CSMD1: variants seen among roughly 807,000 people sequenced by gnomAD.
CSMD1 encodes the protein CUB and sushi domain-containing protein 1.
CSMD1 carries 213 observed loss-of-function variants against 417.5 expected under a neutral mutation model. The observed-to-expected ratio is 0.51, with a 90% CI of 0.46 to 0.57. CSMD1 has a LOEUF of 0.57. CSMD1 is among the 20% of genes least tolerant of loss of function. The pLI, the probability that CSMD1 is intolerant of heterozygous loss-of-function variation, is 0.00. For synonymous variants in CSMD1, 2,862 were observed against 1,736.8 expected (o/e 1.65, Z -16.11); for missense variants, 6,923 against 4,529.7 (o/e 1.53, Z -15.17).
chr8:4,375,412 C>T (rs1251301263), intron 3 of CSMD1, among the ~76,000 whole-genome samples: 1 of 152,094 alleles, frequency 6.6e-6, no homozygotes, highest in Non-Finnish European at 1.5e-5. Flanking sequence ...GAATAATGAG[C>T]ACAAGCATCT....
chr8:3,933,406 G>T (rs186979491), intron 5 of CSMD1, among the ~76,000 whole-genome samples: 1 of 152,208 alleles, frequency 6.6e-6, no homozygotes, highest in East Asian at 1.9e-4. Flanking sequence ...AGTCTATCAG[G>T]ACTTGTATGT....
intron 16 of CSMD1, among the ~76,000 whole-genome samples, chr8:3,397,417 T>C (rs1426465211): frequency 2.0e-5 from 3 of 152,192 alleles, no homozygotes; most frequent in African/African-American, 4.8e-5. Flanking sequence ...AGATCATGGA[T>C]ACACTGATTA....
chr8:3,883,873 G>A (rs78054077), intron 5 of CSMD1, among the ~76,000 whole-genome samples: 4,126 of 151,772 alleles, frequency 0.027, 190 homozygotes, highest in African/African-American at 0.093. Flanking sequence ...AAAACAATAC[G>A]GTTTTTCATA....
intron 5 of CSMD1, among the ~76,000 whole-genome samples, chr8:3,956,134 CT>C (rs1480996098): frequency 3.2e-4 from 48 of 152,244 alleles, no homozygotes; most frequent in African/African-American, 1.1e-3. Context: ...TGACCAGATC[CT>C]GGACCAAAAT....
chr8:3,138,027 C>A (rs971769227), intron 41 of CSMD1, among the ~76,000 whole-genome samples: 1 of 152,092 alleles, frequency 6.6e-6, no homozygotes, highest in Non-Finnish European at 1.5e-5. Flanking sequence ...GAGTTCGAGA[C>A]CAACCTGGCC....
intron 3 of CSMD1, among the ~76,000 whole-genome samples, chr8:4,081,577 G>A (rs1049745362): frequency 6.6e-6 from 1 of 152,072 alleles, no homozygotes; most frequent in Non-Finnish European, 1.5e-5. Flanking sequence ...AGTTGACCCA[G>A]AACACTATAC....
intron 1 of CSMD1, among the ~76,000 whole-genome samples, chr8:4,956,371 GATGAT>G (rs1215038623): frequency 6.7e-6 from 1 of 150,080 alleles, no homozygotes; most frequent in Admixed American, 6.7e-5. Flanking sequence ...CGTAAGATAG[GATGAT>G]ATAAGATGTA....
At chr8:3,138,045 G>C (rs1818209967) in intron 41 of CSMD1, among the ~76,000 whole-genome samples, 1 of 152,136 alleles carries the variant, frequency 6.6e-6, no homozygotes, top group South Asian at 2.1e-4. Flanking sequence ...GCCAACATGG[G>C]TGAAACCCTG....
Position 3,162,825 on chromosome 8 carries a change from CAA to C in CSMD1, c.5726-550_5726-549del, listed in dbSNP as rs563806651. The stretch of plus-strand genomic sequence containing the variant: ...CAGTCTGTTCTTCATTAAACAGAAA[CAA>C]TATTTACAGAACCTAAAGCTGTAAT... On this transcript the variant is annotated intron_variant, in intron 37 of 69. Transcript: ENST00000635120. Among the ~76,000 whole-genome samples the C allele has an allele frequency of 2.5e-3, 384 of 151,960 alleles. 3 individuals carry two copies. The highest frequency in any genetic ancestry group is 3.0e-3 in the Non-Finnish European group (207 of 67,960).
chr8:3,222,910 G>T (rs1798297294), intron 28 of CSMD1, among the ~76,000 whole-genome samples: 1 of 152,138 alleles, frequency 6.6e-6, no homozygotes, highest in Non-Finnish European at 1.5e-5. Flanking sequence ...TTCAGGCCTT[G>T]AATACTGACA....
intron 1 of CSMD1, among the ~76,000 whole-genome samples, chr8:4,993,002 G>A (rs1006114049): frequency 6.6e-6 from 1 of 152,194 alleles, no homozygotes; most frequent in African/African-American, 2.4e-5. Context: ...TGCAGGGAGG[G>A]GAAGCCCAGG....
In CSMD1 at chr8:3,732,938, A is replaced by ATTATCTATCTATCTAC. The variant is rs1295576271; in HGVS notation, c.931+20976_931+20991dup. Among the ~76,000 whole-genome samples the ATTATCTATCTATCTAC allele has an allele frequency of 3.3e-5, 5 of 152,150 alleles. No individual in the cohort carries two copies. The East Asian group carries it at 9.7e-4, about 29-fold the overall frequency. ...CTATCATACAACTATTTATCTATCC[A>ATTATCTATCTATCTAC]TTATCTATCTATCTACTTACCTACC... On this transcript the variant is annotated intron_variant, in intron 6 of 69. Coordinates refer to ENST00000635120, the MANE Select transcript of CSMD1 (RefSeq NM_033225.6).
At chr8:3,595,451 T>C (rs1393584933) in intron 8 of CSMD1, among the ~76,000 whole-genome samples, 4 of 152,194 alleles carry the variant, frequency 2.6e-5, no homozygotes, top group African/African-American at 9.7e-5. Flanking sequence ...CTTAAGGCAG[T>C]TTAACACCAC....
intron 3 of CSMD1, among the ~76,000 whole-genome samples, chr8:4,349,483 G>A (rs530126332): frequency 7.9e-5 from 12 of 152,276 alleles, no homozygotes; most frequent in Admixed American, 7.8e-4. Context: ...GTAGAAAATG[G>A]AGAGCTCTAT....
At chr8:4,028,919 C>A (rs60861840) in intron 4 of CSMD1, among the ~76,000 whole-genome samples, 2,291 of 152,218 alleles carry the variant, frequency 0.015, 53 homozygotes, top group African/African-American at 0.051. Context: ...TTTCTAAAGT[C>A]ATTGGAACAG....
intron 41 of CSMD1, among the ~76,000 whole-genome samples, chr8:3,141,242 C>CA (rs1818421146): frequency 6.6e-6 from 1 of 152,102 alleles, no homozygotes; most frequent in Non-Finnish European, 1.5e-5. Flanking sequence ...ATCCCCTGTG[C>CA]GTCTGTGAAA....
chr8:4,382,057 G>C lies in CSMD1; in HGVS notation c.415+37896C>G, dbSNP rs114521527. Among the ~76,000 whole-genome samples the C allele has an allele frequency of 6.6e-3, 1,009 of 152,260 alleles. 7 individuals are homozygous for C. Among genetic ancestry groups the C allele is most frequent in the Middle Eastern group, 0.037 (11 of 294 alleles). ...ATTTCTGTTATGCGACACCAGAACTGGGACTCTCAGCCATGACTTTCCTCT... is the reference window on the plus strand; with the variant it reads ...ATTTCTGTTATGCGACACCAGAACTCGGACTCTCAGCCATGACTTTCCTCT... On this transcript the variant is annotated intron_variant, in intron 3 of 69. Transcript: ENST00000635120.
chr8:4,065,712 C>T (rs1267188842), intron 3 of CSMD1, among the ~76,000 whole-genome samples: 1 of 152,158 alleles, frequency 6.6e-6, no homozygotes, highest in Admixed American at 6.5e-5. Flanking sequence ...TGTATCTGTG[C>T]TAGGTTATGT....
At chr8:2,972,758 C>A (rs1804567796) in intron 57 of CSMD1, among the ~76,000 whole-genome samples, 2 of 152,194 alleles carry the variant, frequency 1.3e-5, no homozygotes, top group South Asian at 2.1e-4. Context: ...TGCGGAAATT[C>A]CCATCAGTGA....
Sources: gnomAD v4.1 joint callset for allele counts (sites outside exome capture counted in the v4.1 genomes callset) on GRCh38, gnomAD v4.1.1 for gene constraint, MANE v1.5 for transcripts, NCBI Gene and HGNC (gene_info 2026-07-23, HGNC 2026-07-21) for gene names.